The following NALCN variants were observed in gnomAD, a reference collection of about 807,000 sequenced individuals.
The protein encoded by NALCN is sodium leak channel NALCN.
NALCN carries 111 observed loss-of-function variants against 225.3 expected under a neutral mutation model. The observed-to-expected ratio is 0.49, with a 90% CI of 0.42 to 0.58. The LOEUF is 0.58. NALCN is among the 20% of genes least tolerant of loss of function. The pLI is 0.00. For synonymous variants in NALCN, 764 were observed against 769.0 expected, an observed-to-expected ratio of 0.99 and a Z score of 0.11; for missense variants, 1,378 against 2,202.4, an observed-to-expected ratio of 0.63 and a Z score of 7.49.
intron 41 of NALCN, among the ~76,000 whole-genome samples, chr13:101,061,633 C>CT (rs1156649123): frequency 6.6e-6 from 1 of 152,152 alleles, no homozygotes; most frequent in Admixed American, 6.5e-5. Context: ...GAGCTCCCCC[C>CT]TTGACCTCTC....
At chr13:101,398,640 T>C (rs888852590) in intron 2 of NALCN, among the ~76,000 whole-genome samples, 2 of 152,124 alleles carry the variant, frequency 1.3e-5, no homozygotes, top group Non-Finnish European at 2.9e-5. Context: ...ATTCCAAACA[T>C]GTGCATATTG....
At chr13:101,224,115 C>T (rs1431911342) in intron 13 of NALCN, among the ~76,000 whole-genome samples, 1 of 152,154 alleles carries the variant, frequency 6.6e-6, no homozygotes, top group Non-Finnish European at 1.5e-5. Context: ...TTCCCTTCAC[C>T]ACATACACAA....
chr13:101,116,226 G>GA (rs1267580697), intron 18 of NALCN, among the ~76,000 whole-genome samples: 1 of 151,578 alleles, frequency 6.6e-6, no homozygotes, highest in East Asian at 1.9e-4. Flanking sequence ...AAGCCTTTGA[G>GA]AAAAAATAAT....
At position 101,254,747 on chromosome 13, in the gene NALCN, C is replaced by T. The variant is rs868037489; in HGVS notation, c.1266+3696G>A. On this transcript the variant is annotated intron_variant, in intron 11 of 43. Coordinates refer to ENST00000251127, the MANE Select transcript of NALCN (RefSeq NM_052867.4). ...TCTACTAAAAATACAAAAAATTAGC[C>T]GGGCGTAGTGGCGGGCGCCTGTAGT... is the stretch of plus-strand genomic sequence containing the variant. Among the ~76,000 whole-genome samples, 38 of 117,524 alleles carry T rather than the reference C, an allele frequency of 3.2e-4. 5 individuals are homozygous for T. The highest frequency in any genetic ancestry group is 3.7e-3 in the Middle Eastern group (1 of 270). 77.1% of individuals were successfully genotyped at this position (117,524 alleles called of 152,430 possible). A position where few individuals can be genotyped will look rare whatever the true frequency, so the allele number is the denominator to read the frequency against.
intron 3 of NALCN, among the ~76,000 whole-genome samples, chr13:101,380,613 A>G (rs1483626096): frequency 6.6e-6 from 1 of 152,176 alleles, no homozygotes; most frequent in Non-Finnish European, 1.5e-5. Flanking sequence ...TAAAATGTCA[A>G]GATTTCAAAT....
intron 17 of NALCN, among the ~76,000 whole-genome samples, chr13:101,136,289 G>GT (rs1189175116): frequency 2.1e-5 from 2 of 95,556 alleles, no homozygotes; most frequent in African/African-American, 1.1e-4. Context: ...AGTACGCATC[G>GT]TTTTATTTAT....
chr13:101,404,208 C>G (rs1247790018), intron 1 of NALCN, among the ~76,000 whole-genome samples: 1 of 152,122 alleles, frequency 6.6e-6, no homozygotes, highest in African/African-American at 2.4e-5. Flanking sequence ...ACTGCTGGCT[C>G]CATACTACCT....
chr13:101,145,764 C>T (rs1286967473), intron 15 of NALCN, among the ~76,000 whole-genome samples: 1 of 152,126 alleles, frequency 6.6e-6, no homozygotes, highest in Non-Finnish European at 1.5e-5. Flanking sequence ...AACACCCTTC[C>T]CCACGTCTGC....
At chr13:101,290,706 A>T (rs976241765) in intron 9 of NALCN, among the ~76,000 whole-genome samples, 1 of 152,220 alleles carries the variant, frequency 6.6e-6, no homozygotes, top group African/African-American at 2.4e-5. Context: ...AGTGTGTTTA[A>T]TTGCATTTTA....
chr13:101,394,520 A>G (rs2139485480), intron 3 of NALCN, among the ~76,000 whole-genome samples: 1 of 152,348 alleles, frequency 6.6e-6, no homozygotes, highest in South Asian at 2.1e-4. Flanking sequence ...TAGGGACAGC[A>G]TCATCTACAT....
chr13:101,238,013 C>T, intron 11 of NALCN, 91 bp from the exon 12 acceptor site: 1 of 1,220,282 alleles, frequency 8.2e-7, no homozygotes, highest in South Asian at 1.4e-5. Flanking sequence ...GAATTTTTGC[C>T]ACTATCATAT....
At chr13:101,237,303 C>G (rs1418745623) in intron 12 of NALCN, among the ~76,000 whole-genome samples, 1 of 151,826 alleles carries the variant, frequency 6.6e-6, no homozygotes, top group Non-Finnish European at 1.5e-5. Flanking sequence ...TTTTATAAAC[C>G]TTTAATATTT....
chr13:101,121,631 C>T (rs865984556), intron 18 of NALCN, among the ~76,000 whole-genome samples: 2 of 152,162 alleles, frequency 1.3e-5, no homozygotes, highest in African/African-American at 2.4e-5. Context: ...AACACTAAAA[C>T]GGCAGTCTCT....
intron 1 of NALCN, among the ~76,000 whole-genome samples, chr13:101,408,268 T>C (rs2047679087): frequency 6.6e-6 from 1 of 152,184 alleles, no homozygotes; most frequent in Non-Finnish European, 1.5e-5. Context: ...TGCCTGCCAC[T>C]AGACTTACAA....
rs1478957759 is a variant in NALCN, at chr13:101,054,575, T to G, written c.*720A>C. On this transcript the variant is annotated 3_prime_UTR_variant, in exon 44 of 44. Coordinates refer to ENST00000251127, the MANE Select transcript of NALCN (RefSeq NM_052867.4). Reference sequence around the variant, plus strand: ...GCAACTATGTCACTCAAGTGATTTATCTACAGGTTTGTTTTAAACCGCTAA... The same window carrying G: ...GCAACTATGTCACTCAAGTGATTTAGCTACAGGTTTGTTTTAAACCGCTAA... 6.6e-6 allele frequency: 1 copy of G among 152,254 alleles called. No individual in the cohort carries two copies. Among genetic ancestry groups the G allele is most frequent in the Non-Finnish European group, 1.5e-5 (1 of 68,042 alleles). 9.4% of individuals were successfully genotyped at this position (152,254 alleles called of 1,614,324 possible).
In NALCN at chr13:101,107,462, C is replaced by G. The variant is rs765619475; in HGVS notation, c.2579+25G>C. 5.0e-6 allele frequency: 8 copies of G among 1,613,542 alleles called. No homozygotes were observed. The East Asian group carries it at 1.8e-4, about 36-fold the overall frequency. ...CTGTTTGCATGGCTCAGGCCAAACA[C>G]CTGGCTGAAATGAAGTGTACTTACG... On this transcript the variant is annotated intron_variant, in intron 22 of 43. Coordinates refer to ENST00000251127, the MANE Select transcript of NALCN (RefSeq NM_052867.4).
At chr13:101,330,181 C>A (rs1460093891) in intron 7 of NALCN, among the ~76,000 whole-genome samples, 1 of 151,832 alleles carries the variant, frequency 6.6e-6, no homozygotes, top group Non-Finnish European at 1.5e-5. Flanking sequence ...CAAATCAACA[C>A]AAGGAAATAG....
intron 11 of NALCN, among the ~76,000 whole-genome samples, chr13:101,246,341 T>A (rs2041896575): frequency 1.3e-5 from 2 of 152,128 alleles, no homozygotes; most frequent in Non-Finnish European, 2.9e-5. Flanking sequence ...TCATGATGGA[T>A]ATCATGAGAA....
chr13:101,211,622 T>C (rs998609092), intron 13 of NALCN, among the ~76,000 whole-genome samples: 1 of 146,130 alleles, frequency 6.8e-6, no homozygotes, highest in Non-Finnish European at 1.5e-5. Context: ...TTACAGTTTT[T>C]TTTGGGGGGG....
Sources: gnomAD v4.1 joint callset for allele counts (sites outside exome capture counted in the v4.1 genomes callset) on GRCh38, gnomAD v4.1.1 for gene constraint, MANE v1.5 for transcripts, NCBI Gene and HGNC (gene_info 2026-07-23, HGNC 2026-07-21) for gene names.